The following TPST1 variants were observed in gnomAD, a reference collection of about 807,000 sequenced individuals.
TPST1 encodes the protein tyrosylprotein sulfotransferase 1.
Under a neutral mutation model 34.8 loss-of-function variants are expected in TPST1, and 20 were observed. The ratio of observed to expected loss-of-function variants is 0.57; its 90% CI spans 0.40 to 0.84. TPST1 has a LOEUF of 0.84. TPST1 is among the 40% of genes least tolerant of loss of function. TPST1 has a pLI of 0.00. For missense variants in TPST1, 353 were observed against 455.5 expected, an observed-to-expected ratio of 0.78 and a Z score of 2.05; for synonymous variants, 152 against 159.4, an observed-to-expected ratio of 0.95 and a Z score of 0.35.
At chr7:66,319,568 T>A (rs1350108281) in intron 3 of TPST1, among the ~76,000 whole-genome samples, 1 of 152,232 alleles carries the variant, frequency 6.6e-6, no homozygotes, top group Non-Finnish European at 1.5e-5. Context: ...TGTTATTGAA[T>A]CAAAGTAGCT....
chr7:66,252,227 T>C (rs557196104), intron 2 of TPST1, among the ~76,000 whole-genome samples: 1 of 151,898 alleles, frequency 6.6e-6, no homozygotes, highest in South Asian at 2.1e-4. Flanking sequence ...CCGGCTATTT[T>C]TTTGTATTTT....
intron 3 of TPST1, among the ~76,000 whole-genome samples, chr7:66,335,239 T>G (rs1404358684): frequency 1.3e-5 from 2 of 152,298 alleles, no homozygotes; most frequent in Admixed American, 1.3e-4. Flanking sequence ...GTGGATAATT[T>G]GAGCCCAGGA....
rs548972128 is a variant in TPST1 at position 66,321,925 on chromosome 7, T to C, written c.1045-30580T>C. On this transcript the variant is annotated intron_variant, in intron 3 of 5. Coordinates refer to ENST00000304842, the MANE Select transcript of TPST1 (RefSeq NM_003596.4). ...TTTGCCTGGTTTTCTTTTGAATCATTTGCTTTTTTCTCATTGATTTTTAGG... is the reference window on the plus strand; with the variant it reads ...TTTGCCTGGTTTTCTTTTGAATCATCTGCTTTTTTCTCATTGATTTTTAGG... Among the ~76,000 whole-genome samples, 379 of 152,338 alleles carry C rather than the reference T, an allele frequency of 2.5e-3. 1 individual carries two copies. The highest frequency in any genetic ancestry group is 4.0e-3 in the Non-Finnish European group (270 of 68,024).
chr7:66,253,221 C>T (rs893155249), intron 2 of TPST1, among the ~76,000 whole-genome samples: 1 of 152,006 alleles, frequency 6.6e-6, no homozygotes, highest in Non-Finnish European at 1.5e-5. Flanking sequence ...AAATACTGTG[C>T]CATTTTATAT....
chr7:66,277,378 G>A (rs909309952), intron 2 of TPST1, among the ~76,000 whole-genome samples: 1 of 152,108 alleles, frequency 6.6e-6, no homozygotes, highest in Non-Finnish European at 1.5e-5. Flanking sequence ...TTTCAGATGC[G>A]TTGTTGCTTC....
At position 66,342,553 on chromosome 7, in the gene TPST1, A is replaced by G. The variant is rs1164977921; in HGVS notation, c.1045-9952A>G. On this transcript the variant is annotated intron_variant, in intron 3 of 5. Transcript: ENST00000304842. ...AAAGAATACCTGAGACTGGTAATTT[A>G]TAAAGAAGAGGGGTTTATTTGGCTC... 2.0e-5 allele frequency among the ~76,000 whole-genome samples: 3 copies of G among 152,354 alleles called. No individual in the cohort carries two copies. In the East Asian group the frequency reaches 5.8e-4, roughly 29 times the overall value.
At chr7:66,260,315 TTTGTTAA>T (rs1790463867) in intron 2 of TPST1, among the ~76,000 whole-genome samples, 1 of 152,214 alleles carries the variant, frequency 6.6e-6, no homozygotes, top group Non-Finnish European at 1.5e-5. Flanking sequence ...TTTGAATAAT[TTTGTTAA>T]TGAAACAAAG....
intron 3 of TPST1, among the ~76,000 whole-genome samples, chr7:66,330,143 C>T (rs916456273): frequency 2.6e-5 from 4 of 152,080 alleles, no homozygotes; most frequent in Admixed American, 2.0e-4. Flanking sequence ...ATTTCCTAAT[C>T]CCTGGGGTCT....
chr7:66,269,199 G>A (rs888848803), intron 2 of TPST1, among the ~76,000 whole-genome samples: 1 of 152,150 alleles, frequency 6.6e-6, no homozygotes, highest in Admixed American at 6.5e-5. Flanking sequence ...GAGAACAGAT[G>A]AGTCCGATGC....
At chr7:66,206,709 C>T (rs1328883941) in intron 1 of TPST1, among the ~76,000 whole-genome samples, 1 of 152,080 alleles carries the variant, frequency 6.6e-6, no homozygotes, top group African/African-American at 2.4e-5. Context: ...AAAGAAAGAG[C>T]CCCTACCTCC....
At chr7:66,358,860 T>C (rs1036200047) in intron 5 of TPST1, among the ~76,000 whole-genome samples, 8 of 152,236 alleles carry the variant, frequency 5.3e-5, no homozygotes, top group African/African-American at 1.7e-4. Context: ...CAGCGTGTTG[T>C]AGGATGGACC....
At chr7:66,340,941 G>A (rs1157899264) in intron 3 of TPST1, among the ~76,000 whole-genome samples, 1 of 152,236 alleles carries the variant, frequency 6.6e-6, no homozygotes, top group East Asian at 1.9e-4. Context: ...AACCTGGGAG[G>A]CAGAGGGTGC....
chr7:66,202,118 T>C (rs1430272444), upstream of TPST1, among the ~76,000 whole-genome samples: 1 of 152,234 alleles, frequency 6.6e-6, no homozygotes, highest in Non-Finnish European at 1.5e-5. Context: ...AACTTTGTTC[T>C]TTTCACTTGA....
At chr7:66,244,542 C>G (rs1185663423) in intron 2 of TPST1, among the ~76,000 whole-genome samples, 1 of 152,268 alleles carries the variant, frequency 6.6e-6, no homozygotes, top group African/African-American at 2.4e-5. Flanking sequence ...GTCAGAGGCT[C>G]CTGCTCAAGT....
In TPST1 at chr7:66,342,403, C is replaced by T. The variant is rs184599442; in HGVS notation, c.1045-10102C>T. 1.4e-4 allele frequency among the ~76,000 whole-genome samples: 21 copies of T among 152,232 alleles called. No homozygotes were observed. The East Asian group carries it at 2.7e-3, about 20-fold the overall frequency. ...GGGAAATCATCATCTTGAAATAAGC[C>T]GTAGCACTCCTTAGCAATGGTTTGC... On this transcript the variant is annotated intron_variant, in intron 3 of 5. Coordinates refer to ENST00000304842, the MANE Select transcript of TPST1 (RefSeq NM_003596.4).
Position 66,293,660 on chromosome 7 carries a change from C to T in TPST1, c.1044+6951C>T, listed in dbSNP as rs148594252. ...GATACTCACTGTTGGGAGATTTATT[C>T]TCAGCCAATTACTGCAGATCTGCAT... is the stretch of plus-strand genomic sequence containing the variant. On this transcript the variant is annotated intron_variant, in intron 3 of 5. Transcript: ENST00000304842. Among the ~76,000 whole-genome samples the T allele has an allele frequency of 5.9e-3, 895 of 152,234 alleles. 11 individuals carry two copies. The highest frequency in any genetic ancestry group is 0.02 in the African/African-American group (834 of 41,544).
intron 3 of TPST1, among the ~76,000 whole-genome samples, chr7:66,342,891 G>A (rs751839448): frequency 7.2e-5 from 11 of 152,098 alleles, no homozygotes; most frequent in Admixed American, 1.3e-4. Flanking sequence ...CTTCAACACT[G>A]GGAATCACAT....
intron 3 of TPST1, among the ~76,000 whole-genome samples, chr7:66,299,715 A>C (rs1220719016): frequency 3.9e-5 from 6 of 152,048 alleles, no homozygotes; most frequent in African/African-American, 1.4e-4. Context: ...TTTATTTTTC[A>C]GTTCTAGAAT....
chr7:66,347,994 G>A (rs867452123), intron 3 of TPST1, among the ~76,000 whole-genome samples: 6 of 152,036 alleles, frequency 3.9e-5, no homozygotes, highest in Non-Finnish European at 7.3e-5. Context: ...AAGACTTACA[G>A]AATGAAATAT....
Sources: allele counts gnomAD v4.1 joint callset (sites outside exome capture counted in the v4.1 genomes callset), GRCh38; gene constraint gnomAD v4.1.1; transcripts MANE v1.5; gene names NCBI Gene and HGNC (gene_info 2026-07-23, HGNC 2026-07-21).